Variants in CDH13 observed in about 807,000 individuals in gnomAD.
CDH13 encodes cadherin 13, also known as cadherin-13.
A neutral mutation model predicts 63.8 loss-of-function variants in CDH13; 24 were observed. The ratio of observed to expected loss-of-function variants is 0.38; its 90% CI spans 0.27 to 0.53. The LOEUF is 0.53. CDH13 is among the 20% of genes least tolerant of loss of function. The pLI is 0.85. For missense variants in CDH13, 1,049 were observed against 903.1 expected (o/e 1.16, Z -2.07); for synonymous variants, 503 against 355.3 (o/e 1.42, Z -4.67).
At chr16:83,708,869 C>A (rs1348384303) in intron 10 of CDH13, among the ~76,000 whole-genome samples, 1 of 151,910 alleles carries the variant, frequency 6.6e-6, no homozygotes, top group Non-Finnish European at 1.5e-5. Context: ...ACTAAAAATA[C>A]AAAAATTAGC....
At chr16:82,959,374 T>C (rs1906611982) in intron 2 of CDH13, among the ~76,000 whole-genome samples, 1 of 152,230 alleles carries the variant, frequency 6.6e-6, no homozygotes, top group Admixed American at 6.5e-5. Flanking sequence ...ATTAGTTTTC[T>C]ATTTCTTCTG....
chr16:82,717,857 A>G (rs930103946), intron 1 of CDH13, among the ~76,000 whole-genome samples: 1 of 112,042 alleles, frequency 8.9e-6, no homozygotes, highest in Non-Finnish European at 1.9e-5. Flanking sequence ...GTAGGGGTTC[A>G]TCAGTTAGTG....
At chr16:83,031,917 A>C in intron 2 of CDH13, 93 bp from the exon 3 acceptor site, 1 of 975,818 alleles carries the variant, frequency 1.0e-6, no homozygotes, top group Non-Finnish European at 1.6e-6. Flanking sequence ...TTGGGAAACT[A>C]TGTGGTAATT....
intron 1 of CDH13, among the ~76,000 whole-genome samples, chr16:82,831,872 T>A (rs550066236): frequency 6.6e-6 from 1 of 152,252 alleles, no homozygotes; most frequent in South Asian, 2.1e-4. Flanking sequence ...GAAACAACCA[T>A]ATCTAGGTAA....
chr16:83,156,171 T>G (rs1048458151), intron 4 of CDH13, among the ~76,000 whole-genome samples: 2 of 152,196 alleles, frequency 1.3e-5, no homozygotes, highest in African/African-American at 4.8e-5. Context: ...AGCGTGGTTA[T>G]AAATTAAAGA....
chr16:82,964,016 G>A (rs80113522), intron 2 of CDH13, among the ~76,000 whole-genome samples: 4 of 152,116 alleles, frequency 2.6e-5, no homozygotes, highest in Non-Finnish European at 5.9e-5. Flanking sequence ...GTGGAGCTGC[G>A]GGCTTTTGAG....
intron 10 of CDH13, among the ~76,000 whole-genome samples, chr16:83,747,435 A>G (rs949913026): frequency 6.6e-6 from 1 of 152,176 alleles, no homozygotes; most frequent in Non-Finnish European, 1.5e-5. Context: ...ACCTTCCGCC[A>G]TGATTGCGAG....
At chr16:83,146,387 A>T (rs1401670811) in intron 4 of CDH13, among the ~76,000 whole-genome samples, 1 of 152,198 alleles carries the variant, frequency 6.6e-6, no homozygotes, top group Non-Finnish European at 1.5e-5. Flanking sequence ...CAAGAAACCT[A>T]AAAGTAGGCA....
At chr16:83,171,159 A>G (rs1254152181) in intron 4 of CDH13, among the ~76,000 whole-genome samples, 1 of 152,128 alleles carries the variant, frequency 6.6e-6, no homozygotes, top group Non-Finnish European at 1.5e-5. Context: ...TAGGAAACTT[A>G]TAGTCATGGT....
intron 2 of CDH13, among the ~76,000 whole-genome samples, chr16:82,980,180 C>G (rs551970221): frequency 2.4e-4 from 36 of 152,276 alleles, no homozygotes; most frequent in African/African-American, 7.2e-4. Flanking sequence ...AGAAGGCCAC[C>G]TGACGTGTCT....
chr16:83,197,594 G>A (rs1484590195), intron 4 of CDH13, among the ~76,000 whole-genome samples: 4 of 152,100 alleles, frequency 2.6e-5, no homozygotes, highest in Admixed American at 2.6e-4. Context: ...ATCAGTGGCT[G>A]CCAGAATGTG....
intron 1 of CDH13, among the ~76,000 whole-genome samples, chr16:82,851,822 A>T (rs2039500873): frequency 6.6e-6 from 1 of 152,162 alleles, no homozygotes; most frequent in Non-Finnish European, 1.5e-5. Context: ...TAATCAAAAT[A>T]CACTGCTGCG....
At chr16:83,529,939 T>C (rs2075046054) in intron 7 of CDH13, among the ~76,000 whole-genome samples, 1 of 152,184 alleles carries the variant, frequency 6.6e-6, no homozygotes, top group Non-Finnish European at 1.5e-5. Flanking sequence ...ACTACAGTCC[T>C]AGTTAAGTAG....
chr16:83,278,350 TACCTTCTAAGCAAAAGGC>T (rs1378768025), intron 5 of CDH13, among the ~76,000 whole-genome samples: 2 of 152,170 alleles, frequency 1.3e-5, no homozygotes, highest in East Asian at 1.9e-4. Context: ...AAACCAAAGA[TACCTTCTAAGCAAAAGGC>T]ACCTTCTAAG....
intron 2 of CDH13, among the ~76,000 whole-genome samples, chr16:82,881,541 A>C (rs2040702212): frequency 6.6e-6 from 1 of 152,188 alleles, no homozygotes; most frequent in Admixed American, 6.5e-5. Context: ...AGAGGAAAAG[A>C]CTGTCTTTAG....
At chr16:83,273,904 C>T (rs183105449) in intron 5 of CDH13, among the ~76,000 whole-genome samples, 1 of 152,266 alleles carries the variant, frequency 6.6e-6, no homozygotes, top group East Asian at 1.9e-4. Context: ...TGGTTTCTAG[C>T]CTCACATGCA....
At chr16:82,967,922 C>G (rs111626856) in intron 2 of CDH13, among the ~76,000 whole-genome samples, 1 of 152,148 alleles carries the variant, frequency 6.6e-6, no homozygotes, top group Non-Finnish European at 1.5e-5. Context: ...TACCTTGTTT[C>G]TTTTCATATT....
chr16:82,781,047 G>C (rs2035729535), intron 1 of CDH13, among the ~76,000 whole-genome samples: 1 of 152,226 alleles, frequency 6.6e-6, no homozygotes, highest in African/African-American at 2.4e-5. Flanking sequence ...TGGGATTTAG[G>C]CTTGACTTCC....
intron 4 of CDH13, among the ~76,000 whole-genome samples, chr16:83,180,563 C>T (rs1342317333): frequency 6.6e-6 from 1 of 152,166 alleles, no homozygotes. Flanking sequence ...TTTAAGATTT[C>T]TTCAGTTACA....
Sources: gnomAD v4.1 joint callset for allele counts (sites outside exome capture counted in the v4.1 genomes callset) on GRCh38, gnomAD v4.1.1 for gene constraint, MANE v1.5 for transcripts, NCBI Gene and HGNC (gene_info 2026-07-23, HGNC 2026-07-21) for gene names.